Variants in FAM135B observed in about 807,000 individuals in gnomAD.
The protein encoded by FAM135B is family with sequence similarity 135 member B, also known as protein FAM135B.
FAM135B carries 43 observed loss-of-function variants against 127.7 expected under a neutral mutation model. The observed-to-expected ratio is 0.34, with a 90% CI of 0.26 to 0.43. The LOEUF (loss-of-function observed/expected upper bound fraction) is 0.43, where lower values mean the gene tolerates loss of function less well. Ranked by LOEUF, FAM135B falls within the 20% of genes least tolerant of loss-of-function variation. FAM135B has a pLI of 1.00. For synonymous variants in FAM135B, 670 were observed against 665.1 expected (o/e 1.01, Z -0.11); for missense variants, 1,558 against 1,725.6 (o/e 0.90, Z 1.72).
intron 3 of FAM135B, among the ~76,000 whole-genome samples, chr8:138,281,427 A>G (rs1395817412): frequency 1.3e-5 from 2 of 150,374 alleles, no homozygotes; most frequent in Non-Finnish European, 2.9e-5. Context: ...CTCACTCTTC[A>G]TTATCCCAGA....
chr8:138,489,667 C>T (rs1394292934), intron 1 of FAM135B, among the ~76,000 whole-genome samples: 20 of 152,108 alleles, frequency 1.3e-4, no homozygotes, highest in Admixed American at 1.1e-3. Context: ...CACACCCAGC[C>T]TCTACTCACC....
intron 2 of FAM135B, among the ~76,000 whole-genome samples, chr8:138,321,976 ACT>A (rs1359710129): frequency 6.6e-6 from 1 of 152,058 alleles, no homozygotes; most frequent in Non-Finnish European, 1.5e-5. Context: ...TGTGAGCATG[ACT>A]CTCTCAAAAC....
chr8:138,469,089 A>AAAGG (rs1250190187), intron 1 of FAM135B, among the ~76,000 whole-genome samples: 2 of 151,830 alleles, frequency 1.3e-5, no homozygotes, highest in African/African-American at 2.4e-5. Flanking sequence ...AAAGAAAGAA[A>AAAGG]AAGGAAGGAA....
intron 7 of FAM135B, among the ~76,000 whole-genome samples, chr8:138,240,774 A>G (rs1016106260): frequency 6.6e-6 from 1 of 152,194 alleles, no homozygotes; most frequent in Non-Finnish European, 1.5e-5. Flanking sequence ...AGGGAGTTGC[A>G]CATCAGAGTC....
At chr8:138,345,323 G>A (rs1223184272) in intron 2 of FAM135B, among the ~76,000 whole-genome samples, 4 of 152,224 alleles carry the variant, frequency 2.6e-5, no homozygotes. Flanking sequence ...TCAGCCGTCA[G>A]AAAGTTTCCT....
At chr8:138,273,296 C>T (rs978164713) in intron 3 of FAM135B, among the ~76,000 whole-genome samples, 1 of 152,208 alleles carries the variant, frequency 6.6e-6, no homozygotes, top group African/African-American at 2.4e-5. Flanking sequence ...ACCTCCACCT[C>T]CAGGGTTCAA....
intron 2 of FAM135B, among the ~76,000 whole-genome samples, chr8:138,338,494 A>C (rs1404922361): frequency 2.0e-5 from 3 of 151,928 alleles, no homozygotes; most frequent in Non-Finnish European, 2.9e-5. Context: ...ATGCAGCCAA[A>C]AGACACATGA....
At chr8:138,283,772 A>T (rs1412214345) in intron 3 of FAM135B, among the ~76,000 whole-genome samples, 1 of 152,128 alleles carries the variant, frequency 6.6e-6, no homozygotes, top group Non-Finnish European at 1.5e-5. Context: ...CAGACACACC[A>T]CTAAGAGGTA....
chr8:138,299,883 T>C (rs983236496), intron 3 of FAM135B, among the ~76,000 whole-genome samples: 1 of 152,170 alleles, frequency 6.6e-6, no homozygotes, highest in African/African-American at 2.4e-5. Flanking sequence ...GATTCATTTG[T>C]GGGAAATTTT....
Position 138,134,058 on chromosome 8 carries a change from C to A in FAM135B, c.4016-1260G>T, listed in dbSNP as rs115367369. ...TAATGTCTTAGAGTAGCGGTCATTA[C>A]AACAGGCAATAATATGATGTGAGGT... On this transcript the variant is annotated intron_variant, in intron 19 of 19. Transcript: ENST00000395297. Among the ~76,000 whole-genome samples the A allele has an allele frequency of 4.9e-3, 743 of 152,248 alleles. 10 individuals carry two copies. Among genetic ancestry groups the A allele is most frequent in the African/African-American group, 0.017 (707 of 41,554 alleles).
intron 2 of FAM135B, among the ~76,000 whole-genome samples, chr8:138,325,941 T>C (rs1273212339): frequency 6.6e-6 from 1 of 152,192 alleles, no homozygotes; most frequent in Non-Finnish European, 1.5e-5. Flanking sequence ...ATTACTGCTA[T>C]GGTTATCTTT....
chr8:138,215,369 T>A (rs1818465449), intron 7 of FAM135B, among the ~76,000 whole-genome samples: 1 of 152,216 alleles, frequency 6.6e-6, no homozygotes, highest in African/African-American at 2.4e-5. Flanking sequence ...TTAACTGATA[T>A]TATTCTATTA....
At chr8:138,360,280 G>T (rs1830340212) in intron 2 of FAM135B, among the ~76,000 whole-genome samples, 1 of 152,336 alleles carries the variant, frequency 6.6e-6, no homozygotes, top group African/African-American at 2.4e-5. Flanking sequence ...CTTGTAAATA[G>T]ATACAAATGA....
At chr8:138,387,629 C>G (rs894554445) in intron 1 of FAM135B, among the ~76,000 whole-genome samples, 2 of 152,100 alleles carry the variant, frequency 1.3e-5, no homozygotes. Flanking sequence ...ATGTGCCACA[C>G]CCAGAGTAGG....
chr8:138,197,856 C>A (rs1479239877), intron 7 of FAM135B, among the ~76,000 whole-genome samples, 187 bp from the exon 8 acceptor site: 1 of 152,176 alleles, frequency 6.6e-6, no homozygotes. Flanking sequence ...GAGTCCTGAG[C>A]TGGAATTGCT....
intron 7 of FAM135B, among the ~76,000 whole-genome samples, chr8:138,214,148 C>CT (rs1196517439): frequency 6.6e-6 from 1 of 152,102 alleles, no homozygotes; most frequent in African/African-American, 2.4e-5. Flanking sequence ...TTGCCCCTGG[C>CT]TTTTTTTCAA....
intron 2 of FAM135B, among the ~76,000 whole-genome samples, chr8:138,345,679 G>A (rs1179317479): frequency 1.3e-5 from 2 of 152,218 alleles, no homozygotes; most frequent in African/African-American, 2.4e-5. Context: ...CCAGCCATGT[G>A]GCGACGACAA....
intron 2 of FAM135B, among the ~76,000 whole-genome samples, chr8:138,312,430 A>G (rs1335608036): frequency 6.6e-6 from 1 of 152,168 alleles, no homozygotes; most frequent in Non-Finnish European, 1.5e-5. Context: ...TCAGGACCCA[A>G]GGAGAGACAT....
intron 1 of FAM135B, among the ~76,000 whole-genome samples, chr8:138,490,625 T>A (rs887668710): frequency 6.6e-6 from 1 of 152,160 alleles, no homozygotes; most frequent in African/African-American, 2.4e-5. Context: ...TGCCTCTAGA[T>A]TATCCATATG....
Sources: allele counts gnomAD v4.1 joint callset (sites outside exome capture counted in the v4.1 genomes callset), GRCh38; gene constraint gnomAD v4.1.1; transcripts MANE v1.5; gene names NCBI Gene and HGNC (gene_info 2026-07-23, HGNC 2026-07-21).